ANKMY1: variants seen among roughly 807,000 people sequenced by gnomAD.
ANKMY1 encodes ankyrin repeat and MYND domain-containing protein 1.
ANKMY1 carries 98 observed loss-of-function variants against 102.0 expected under a neutral mutation model. The ratio of observed to expected loss-of-function variants is 0.96; its 90% CI spans 0.82 to 1.14. The LOEUF is 1.14. Among genes scored for constraint, ANKMY1 ranks in the 50% most tolerant of loss-of-function variants. ANKMY1 has a pLI of 0.00. For missense variants in ANKMY1, 1,330 were observed against 1,347.6 expected (o/e 0.99, Z 0.20); for synonymous variants, 582 against 559.9 (o/e 1.04, Z -0.56).
chr2:240,529,357 G>A lies in ANKMY1; in HGVS notation c.633C>T (p.Ser211=). 2 of 1,614,202 alleles carry A rather than the reference G, an allele frequency of 1.2e-6. No homozygotes were observed. The highest frequency in any genetic ancestry group is 1.7e-6 in the Non-Finnish European group (2 of 1,180,034). ...GFSLLRYPEF[S]SFITHSPARI... is the part of the protein sequence containing the mutation. Reference sequence around the variant, plus strand: ...TGGCAGGGCTGTGGGTGATGAAGCTGGAGAACTCAGGGTATCTGAGGAGGG... The same window carrying A: ...TGGCAGGGCTGTGGGTGATGAAGCTAGAGAACTCAGGGTATCTGAGGAGGG... Residue 211 remains serine (S), a synonymous_variant, in exon 5 of 18, where the codon TCC becomes TCT. Transcript: ENST00000401804. This position sits in a 1 kb window ranked among gnomAD's most constrained non-coding sequence, Gnocchi z 4.2.
chr2:240,521,942 C>G (rs1443066189), intron 8 of ANKMY1: 1 of 152,210 alleles, frequency 6.6e-6, no homozygotes, highest in African/African-American at 2.4e-5. Flanking sequence ...AAAAAGTGAG[C>G]AGCAGCAAGA....
intron 15 of ANKMY1, among the ~76,000 whole-genome samples, chr2:240,487,390 T>C (rs1350585801): frequency 1.3e-5 from 2 of 152,358 alleles, no homozygotes; most frequent in Admixed American, 6.5e-5. Flanking sequence ...CTGATGAACA[T>C]TTAGGTCAGT....
rs369834074 is a variant in ANKMY1 at position 240,524,090 on chromosome 2, C to T, written c.1627G>A (p.Gly543Arg). 12 of 1,613,954 alleles carry T rather than the reference C, an allele frequency of 7.4e-6. No individual in the cohort carries two copies. The African/African-American group carries it at 1.6e-4, about 22-fold the overall frequency. The stretch of plus-strand genomic sequence containing the variant: ...CACAGACTGCCCCGGTCTGTGTTTC[C>T]CAACACGTCCTCAAGCCCGCTTTCC... ...HVESGLEDVLGNTDRGSLCSA... is the reference protein window; with the variant it reads ...HVESGLEDVLRNTDRGSLCSA... Residue 543 changes from glycine (G) to arginine (R), a missense_variant, in exon 8 of 18, where the codon GGA (glycine) becomes AGA (arginine). Physicochemically the swap from Gly to Arg is moderately radical, Grantham distance 125. Coordinates refer to ENST00000401804, the MANE Select transcript of ANKMY1 (RefSeq NM_001282771.3).
In ANKMY1 at chr2:240,550,650, C is replaced by T. The variant is rs188742145; in HGVS notation, c.480+2264G>A. On this transcript the variant is annotated intron_variant, in intron 4 of 17. Transcript: ENST00000401804. ...CTTATTTGTTATATTAGAATTATAC[C>T]GGAAGCATTGTAAATTGTGAGGTGG... Among the ~76,000 whole-genome samples the T allele has an allele frequency of 8.1e-3, 1,236 of 151,956 alleles. 11 individuals carry two copies. The highest frequency in any genetic ancestry group is 0.01 in the Non-Finnish European group (697 of 67,980).
chr2:240,495,421 T>C (rs367757902), intron 15 of ANKMY1, among the ~76,000 whole-genome samples: 1 of 152,216 alleles, frequency 6.6e-6, no homozygotes, highest in East Asian at 1.9e-4. Flanking sequence ...TGTTCCACCC[T>C]GTACACCTGG....
At chr2:240,526,821 C>G in intron 5 of ANKMY1, 1 of 1,189,410 alleles carries the variant, frequency 8.4e-7, no homozygotes, top group South Asian at 1.8e-5. Context: ...AGTCTCAGCA[C>G]CAACACCCAC....
chr2:240,549,225 T>A (rs2091049224), intron 4 of ANKMY1, among the ~76,000 whole-genome samples: 1 of 151,326 alleles, frequency 6.6e-6, no homozygotes, highest in Non-Finnish European at 1.5e-5. Context: ...TCTACAACTA[T>A]CTGATCTTTG....
chr2:240,468,983 C>T, the ANKMY1 span, among the ~76,000 whole-genome samples: 1 of 152,346 alleles, frequency 6.6e-6, no homozygotes, highest in African/African-American at 2.4e-5. Context: ...GGCCCGGCTC[C>T]TCCCCTGGGA....
At chr2:240,477,310 C>T (rs1003157026), downstream of ANKMY1, among the ~76,000 whole-genome samples, 7 of 152,130 alleles carry the variant, frequency 4.6e-5, no homozygotes, top group African/African-American at 1.7e-4. Flanking sequence ...GAGAGAAACT[C>T]TGTCTCAAAA....
intron 15 of ANKMY1, among the ~76,000 whole-genome samples, chr2:240,485,335 A>AG: frequency 6.6e-6 from 1 of 151,966 alleles, no homozygotes; most frequent in Non-Finnish European, 1.5e-5. Flanking sequence ...CTCAAAGAAA[A>AG]AAAAAAAGAA....
chr2:240,511,209 C>A (rs527408190), intron 11 of ANKMY1, among the ~76,000 whole-genome samples: 1 of 152,206 alleles, frequency 6.6e-6, no homozygotes. Context: ...CTCATCCTCA[C>A]GCTCATGTCA....
chr2:240,520,029 GGAGGCCCGCC>G lies in ANKMY1; in HGVS notation c.2004+323_2004+332del, dbSNP rs1559307037. The G allele has an allele frequency of 3.7e-6, 2 of 534,422 alleles. No homozygotes were observed. The highest frequency in any genetic ancestry group is 9.8e-5 in the East Asian group (2 of 20,422). The allele number at this position is 534,422 out of a possible 1,614,324, so 33.1% of individuals were successfully genotyped here. A position where few individuals can be genotyped will look rare whatever the true frequency, so the allele number is the denominator to read the frequency against. On this transcript the variant is annotated intron_variant, in intron 9 of 17. Transcript: ENST00000401804. The surrounding 1 kb of genome is among the most constrained non-coding windows in gnomAD (Gnocchi z 4.8). ...TTGTGATGCTGAGCGTGGGTTGAAA[GGAGGCCCGCC>G]TCCTCCTGAATATAAGTCTCCCCTT...
intron 7 of ANKMY1, among the ~76,000 whole-genome samples, chr2:240,525,415 A>G (rs1271297220): frequency 6.6e-6 from 1 of 152,130 alleles, no homozygotes; most frequent in Non-Finnish European, 1.5e-5. Flanking sequence ...CTCCCTCCAC[A>G]GCACCCCTTT....
the ANKMY1 span, among the ~76,000 whole-genome samples, chr2:240,468,765 C>T: frequency 6.6e-6 from 1 of 152,206 alleles, no homozygotes; most frequent in Non-Finnish European, 1.5e-5. Context: ...ACCTCCAGGC[C>T]CCTTGTGAGC....
chr2:240,486,364 G>A (rs2076061279), intron 15 of ANKMY1, among the ~76,000 whole-genome samples: 1 of 152,006 alleles, frequency 6.6e-6, no homozygotes, highest in African/African-American at 2.4e-5. Context: ...TATACAAATT[G>A]CTTACATATA....
At chr2:240,498,877 G>A (rs1184748110) in intron 15 of ANKMY1, among the ~76,000 whole-genome samples, 2 of 152,158 alleles carry the variant, frequency 1.3e-5, no homozygotes, top group Non-Finnish European at 1.5e-5. Context: ...CTCTTGCCAT[G>A]TGATGGACAG....
chr2:240,533,296 G>A (rs1024059343), intron 4 of ANKMY1, among the ~76,000 whole-genome samples: 1 of 151,900 alleles, frequency 6.6e-6, no homozygotes, highest in Non-Finnish European at 1.5e-5. Context: ...ATAACAGGTG[G>A]AACAAAGAAA....
At chr2:240,544,923 G>A (rs1338241673) in intron 4 of ANKMY1, among the ~76,000 whole-genome samples, 1 of 152,192 alleles carries the variant, frequency 6.6e-6, no homozygotes. Context: ...GCGGCAGCGA[G>A]GCTGGGGGAG....
chr2:240,499,927 G>GGAGCA lies in ANKMY1; in HGVS notation c.2806+26_2806+30dup, dbSNP rs1006516871. 7.6e-6 allele frequency: 12 copies of GGAGCA among 1,585,324 alleles called. No homozygotes were observed. In the African/African-American group the frequency reaches 9.4e-5, roughly 12 times the overall value. On this transcript the variant is annotated intron_variant, in intron 15 of 17. Transcript: ENST00000401804. This position sits in a 1 kb window ranked among gnomAD's most constrained non-coding sequence, Gnocchi z 4.2. ...GCACGAGGCCGGAACGCCGCCCTGT[G>GGAGCA]GAGCAGAGCAGAGCAGGGCCCACTG... is the stretch of plus-strand genomic sequence containing the variant.
Sources: allele counts gnomAD v4.1 joint callset (sites outside exome capture counted in the v4.1 genomes callset), GRCh38; gene constraint gnomAD v4.1.1; non-coding constraint Gnocchi (gnomAD v3.1); transcripts MANE v1.5; gene names NCBI Gene and HGNC (gene_info 2026-07-23, HGNC 2026-07-21).